The following SNAP91 variants were observed in gnomAD, a reference collection of about 807,000 sequenced individuals.
SNAP91 encodes the protein clathrin coat assembly protein AP180.
SNAP91 carries 27 observed loss-of-function variants against 100.3 expected under a neutral mutation model. The observed-to-expected ratio is 0.27, with a 90% CI of 0.20 to 0.37. The LOEUF (loss-of-function observed/expected upper bound fraction) is 0.37, where lower values mean the gene tolerates loss of function less well. SNAP91 is among the 10% of genes least tolerant of loss of function. The probability of loss-of-function intolerance (pLI) is 1.00; values close to 1 mark genes in which losing one functional copy is unlikely to be tolerated. For missense variants in SNAP91, 986 were observed against 1,123.7 expected, an observed-to-expected ratio of 0.88 and a Z score of 1.75; for synonymous variants, 404 against 398.6, an observed-to-expected ratio of 1.01 and a Z score of -0.16.
At chr6:83,682,862 T>C (rs2099010632) in intron 2 of SNAP91, among the ~76,000 whole-genome samples, 1 of 151,966 alleles carries the variant, frequency 6.6e-6, no homozygotes. Flanking sequence ...CCCTCTCTTA[T>C]GCCTGTATTA....
At chr6:83,608,802 T>A (rs1313702504) in intron 12 of SNAP91, among the ~76,000 whole-genome samples, 1 of 152,186 alleles carries the variant, frequency 6.6e-6, no homozygotes, top group African/African-American at 2.4e-5. Context: ...ATTCAATAGT[T>A]ATGCAAGTGC....
intron 16 of SNAP91, among the ~76,000 whole-genome samples, chr6:83,598,243 C>A (rs1263076752): frequency 6.6e-6 from 1 of 152,092 alleles, no homozygotes; most frequent in African/African-American, 2.4e-5. Context: ...CGTAACACTG[C>A]CCTTGCAATC....
chr6:83,631,361 G>A (rs2097198396), intron 8 of SNAP91, among the ~76,000 whole-genome samples: 1 of 152,102 alleles, frequency 6.6e-6, no homozygotes, highest in South Asian at 2.1e-4. Context: ...AAGTCCATTT[G>A]TTCCAGGGTA....
chr6:83,643,630 T>G (rs1379366301), intron 7 of SNAP91, among the ~76,000 whole-genome samples: 1 of 152,234 alleles, frequency 6.6e-6, no homozygotes, highest in East Asian at 1.9e-4. Context: ...AGTTATTTCA[T>G]TCAGCATGTA....
chr6:83,662,937 G>A (rs759390966), intron 3 of SNAP91, among the ~76,000 whole-genome samples: 5 of 152,054 alleles, frequency 3.3e-5, no homozygotes, highest in Non-Finnish European at 5.9e-5. Context: ...ACTCAGGGAT[G>A]AGCCAGTCTA....
At chr6:83,683,149 T>C (rs1047207652) in intron 2 of SNAP91, among the ~76,000 whole-genome samples, 4 of 152,148 alleles carry the variant, frequency 2.6e-5, no homozygotes, top group South Asian at 2.1e-4. Flanking sequence ...TTCTGGCCTT[T>C]TTCTTATCTC....
chr6:83,608,465 GTAAC>G (rs1437821557), intron 12 of SNAP91, among the ~76,000 whole-genome samples: 4 of 152,192 alleles, frequency 2.6e-5, no homozygotes, highest in Admixed American at 2.6e-4. Context: ...TTTAGTTACT[GTAAC>G]TAAACAATTT....
chr6:83,707,748 C>T (rs1452803332), intron 2 of SNAP91, 50 bp downstream of exon 2: 4 of 1,604,484 alleles, frequency 2.5e-6, no homozygotes, highest in East Asian at 4.5e-5. Flanking sequence ...CACCAGCATC[C>T]CAGGCGCCTC....
intron 7 of SNAP91, among the ~76,000 whole-genome samples, chr6:83,651,451 T>C (rs1562510272): frequency 6.6e-6 from 1 of 152,182 alleles, no homozygotes; most frequent in Non-Finnish European, 1.5e-5. Context: ...ATTTTCAGCA[T>C]CATTTAGTTC....
chr6:83,670,569 A>G (rs2098767092), intron 2 of SNAP91, among the ~76,000 whole-genome samples: 1 of 151,812 alleles, frequency 6.6e-6, no homozygotes, highest in African/African-American at 2.4e-5. Context: ...TTTTCTTTTA[A>G]GAAATCTTTG....
chr6:83,691,769 A>G (rs2099133476), intron 2 of SNAP91, among the ~76,000 whole-genome samples: 1 of 152,170 alleles, frequency 6.6e-6, no homozygotes, highest in African/African-American at 2.4e-5. Flanking sequence ...AAGAAGCAAT[A>G]ATCTTCGTTA....
chr6:83,586,267 C>G (rs994565386), intron 22 of SNAP91, among the ~76,000 whole-genome samples: 1 of 152,260 alleles, frequency 6.6e-6, no homozygotes, highest in East Asian at 1.9e-4. Flanking sequence ...CCACACTGGG[C>G]ATGTTTGTAT....
Position 83,593,582 on chromosome 6 carries a change from G to A in SNAP91, c.1592C>T (p.Ala531Val). ...TAPSPAPAVAAAAAATTAATA... is the reference protein window; with the variant it reads ...TAPSPAPAVAVAAAATTAATA... ...GGCAGCAGTAGTGGCAGCAGCAGCA[G>A]CTGCAACGGCAGGAGCAGGAGAAGG... Residue 531 changes from alanine to valine, a missense_variant, in exon 18 of 30, where the codon GCT becomes GTT. By Grantham distance (64) the Ala-to-Val change is moderately conservative. This residue lies in a region of SNAP91 where 575 missense variants were observed against 579.9 expected (regional missense o/e 0.99). Transcript: ENST00000369694. 2.6e-6 allele frequency: 4 copies of A among 1,564,474 alleles called. No homozygotes were observed. The highest frequency in any genetic ancestry group is 3.5e-6 in the Non-Finnish European group (4 of 1,154,122).
chr6:83,644,787 T>C (rs1022295621), intron 7 of SNAP91, among the ~76,000 whole-genome samples: 1 of 152,186 alleles, frequency 6.6e-6, no homozygotes, highest in Non-Finnish European at 1.5e-5. Context: ...CAATATTGAT[T>C]CCAACATTAG....
intron 7 of SNAP91, among the ~76,000 whole-genome samples, chr6:83,645,138 T>C (rs1371430287): frequency 6.6e-6 from 1 of 152,162 alleles, no homozygotes; most frequent in African/African-American, 2.4e-5. Flanking sequence ...GTTCTCCAGA[T>C]ATTCTTGAGG....
chr6:83,673,335 C>T lies in SNAP91; in HGVS notation c.131-7754G>A, dbSNP rs57970094. ...TGGGATTAGTATCTTATAAGAGAGT[C>T]CCCAGAGAGCATACTAGTTCTTTCC... On this transcript the variant is annotated intron_variant, in intron 2 of 29. Transcript: ENST00000369694. Among the ~76,000 whole-genome samples, 467 of 152,118 alleles carry T rather than the reference C, an allele frequency of 3.1e-3. 2 individuals are homozygous for T. The highest frequency in any genetic ancestry group is 0.011 in the African/African-American group (439 of 41,492).
intron 2 of SNAP91, among the ~76,000 whole-genome samples, chr6:83,669,066 A>C (rs973556882): frequency 6.6e-6 from 1 of 152,054 alleles, no homozygotes; most frequent in Non-Finnish European, 1.5e-5. Flanking sequence ...TGAATATGTC[A>C]TGTAATTTAT....
intron 2 of SNAP91, among the ~76,000 whole-genome samples, chr6:83,691,036 A>T (rs2099124318): frequency 6.6e-6 from 1 of 152,022 alleles, no homozygotes; most frequent in Non-Finnish European, 1.5e-5. Flanking sequence ...CCCTTTTCAC[A>T]CTCTTAAATA....
chr6:83,595,256 C>CTT (rs2094325859), intron 16 of SNAP91, among the ~76,000 whole-genome samples: 1 of 151,992 alleles, frequency 6.6e-6, no homozygotes, highest in Non-Finnish European at 1.5e-5. Context: ...ATTTTAAAGA[C>CTT]ATAAAGAGAT....
Sources: allele counts gnomAD v4.1 joint callset (sites outside exome capture counted in the v4.1 genomes callset), GRCh38; gene constraint gnomAD v4.1.1; regional missense constraint gnomAD v4.1.1; transcripts MANE v1.5; gene names NCBI Gene and HGNC (gene_info 2026-07-23, HGNC 2026-07-21).